The following CNTN5 variants were observed in gnomAD, a reference collection of about 807,000 sequenced individuals.
CNTN5 encodes contactin 5, also known as contactin-5.
Under a neutral mutation model 129.1 loss-of-function variants are expected in CNTN5, and 77 were observed. That is an observed-to-expected ratio of 0.60 (90% CI 0.50 to 0.72). The LOEUF (loss-of-function observed/expected upper bound fraction) is 0.72. CNTN5 is among the 30% of genes least tolerant of loss of function. CNTN5 has a pLI of 0.00. For synonymous variants in CNTN5, 509 were observed against 465.6 expected, an observed-to-expected ratio of 1.09 and a Z score of -1.20; for missense variants, 1,478 against 1,328.8, an observed-to-expected ratio of 1.11 and a Z score of -1.75.
chr11:99,397,949 C>T (rs970543423), intron 2 of CNTN5, among the ~76,000 whole-genome samples: 4 of 151,896 alleles, frequency 2.6e-5, no homozygotes, highest in South Asian at 2.1e-4. Context: ...TGTATATACA[C>T]GCCTACAAAT....
chr11:99,028,370 G>A (rs1252507697), intron 1 of CNTN5, among the ~76,000 whole-genome samples: 1 of 151,864 alleles, frequency 6.6e-6, no homozygotes, highest in African/African-American at 2.4e-5. Flanking sequence ...GTTCAAACCT[G>A]GTGGAGGAAA....
At chr11:99,566,150 T>A (rs1007593284) in intron 3 of CNTN5, among the ~76,000 whole-genome samples, 3 of 152,128 alleles carry the variant, frequency 2.0e-5, no homozygotes, top group Non-Finnish European at 4.4e-5. Flanking sequence ...CTGAATAGCT[T>A]GGTGCCCTCC....
intron 1 of CNTN5, among the ~76,000 whole-genome samples, chr11:99,055,384 G>C (rs368468242): frequency 6.6e-6 from 1 of 152,030 alleles, no homozygotes. Context: ...AAACAAGAAA[G>C]AGATTTCTCT....
chr11:99,414,420 C>A (rs1175497580), intron 2 of CNTN5, among the ~76,000 whole-genome samples: 1 of 151,734 alleles, frequency 6.6e-6, no homozygotes. Flanking sequence ...GCACTATGAC[C>A]TGGAGATACA....
At chr11:99,677,817 A>G (rs796806222) in intron 3 of CNTN5, among the ~76,000 whole-genome samples, 1 of 152,028 alleles carries the variant, frequency 6.6e-6, no homozygotes, top group Non-Finnish European at 1.5e-5. Flanking sequence ...GTGTCTGTTG[A>G]CTTTTTTCAA....
chr11:100,318,617 ATT>A (rs201798289), intron 21 of CNTN5, among the ~76,000 whole-genome samples: 1,624 of 152,228 alleles, frequency 0.011, 21 homozygotes, highest in African/African-American at 0.037. Context: ...TTTTGGTGAA[ATT>A]TTCTGAGAAC....
rs568039570 is a variant in CNTN5 at position 99,044,881 on chromosome 11, A to G, written c.-210+23611A>G. Among the ~76,000 whole-genome samples the G allele has an allele frequency of 2.6e-5, 4 of 152,320 alleles. No individual in the cohort carries two copies. In the East Asian group the frequency reaches 7.7e-4, roughly 29 times the overall value. ...GTTATTAGGAGAGACAGCACAACAT[A>G]GTGAACAAACAAGTTGCCTGAGTAC... is the stretch of plus-strand genomic sequence containing the variant. On this transcript the variant is annotated intron_variant, in intron 1 of 24. Transcript: ENST00000524871.
chr11:99,167,924 AT>A (rs1280180185), intron 1 of CNTN5, among the ~76,000 whole-genome samples: 3 of 151,420 alleles, frequency 2.0e-5, no homozygotes, highest in Admixed American at 2.0e-4. Context: ...ATTTTTAAAA[AT>A]TTATTCTTAT....
At chr11:99,326,778 G>C (rs933857085) in intron 2 of CNTN5, among the ~76,000 whole-genome samples, 1 of 152,072 alleles carries the variant, frequency 6.6e-6, no homozygotes, top group African/African-American at 2.4e-5. Context: ...GGAAGGGGAA[G>C]TATCTAACAG....
intron 1 of CNTN5, among the ~76,000 whole-genome samples, chr11:99,176,655 TTA>T (rs1255590267): frequency 6.6e-6 from 1 of 152,200 alleles, no homozygotes; most frequent in African/African-American, 2.4e-5. Flanking sequence ...CAGCAAATTG[TTA>T]TGATTCTACA....
intron 13 of CNTN5, among the ~76,000 whole-genome samples, chr11:100,122,741 A>G (rs1210799165): frequency 4.6e-5 from 7 of 152,196 alleles, no homozygotes; most frequent in East Asian, 3.9e-4. Context: ...GTCAGAGCCA[A>G]GAGGTAGTGG....
intron 2 of CNTN5, among the ~76,000 whole-genome samples, chr11:99,436,258 A>G (rs1413244876): frequency 6.6e-6 from 1 of 152,130 alleles, no homozygotes; most frequent in Non-Finnish European, 1.5e-5. Context: ...AATTACTCCT[A>G]TGGAGAATCC....
chr11:100,008,023 A>G (rs1591044599), intron 9 of CNTN5, among the ~76,000 whole-genome samples: 1 of 152,040 alleles, frequency 6.6e-6, no homozygotes, highest in Non-Finnish European at 1.5e-5. Context: ...AGGGAGAGAG[A>G]TGAGGGAGTG....
rs1007817725 is a variant in CNTN5, at chr11:99,661,321, A to C, written c.55+105052A>C. Among the ~76,000 whole-genome samples the C allele has an allele frequency of 1.3e-4, 20 of 152,188 alleles. 1 individual carries two copies. Among genetic ancestry groups the C allele is most frequent in the Admixed American group, 1.3e-3 (20 of 15,276 alleles). On this transcript the variant is annotated intron_variant, in intron 3 of 24. Transcript: ENST00000524871. ...ATACATATCTTTGCTGCAAAGCAGT[A>C]ATGAAATTAAAATAAGAACTTAGCG...
intron 1 of CNTN5, among the ~76,000 whole-genome samples, chr11:99,239,690 C>A (rs531260302): frequency 6.6e-6 from 1 of 152,188 alleles, no homozygotes; most frequent in Admixed American, 6.5e-5. Context: ...AATCCCAGCA[C>A]TTTGGGAGGC....
intron 23 of CNTN5, among the ~76,000 whole-genome samples, chr11:100,344,550 T>G (rs975481656): frequency 6.6e-6 from 1 of 152,076 alleles, no homozygotes; most frequent in Non-Finnish European, 1.5e-5. Flanking sequence ...TACTATAAGA[T>G]AGAAGAAATA....
chr11:99,916,178 G>C, intron 7 of CNTN5, 29 bp downstream of exon 7: 8 of 1,546,564 alleles, frequency 5.2e-6, no homozygotes, highest in Non-Finnish European at 6.2e-6. Context: ...CTTTGCTGCT[G>C]CTGCTGCTCT....
intron 9 of CNTN5, among the ~76,000 whole-genome samples, chr11:100,014,565 G>C (rs1226041822): frequency 1.3e-5 from 2 of 152,088 alleles, no homozygotes; most frequent in East Asian, 3.9e-4. Flanking sequence ...TGTCTAAAGA[G>C]TGAGACTCCG....
At chr11:99,361,390 C>T (rs896198944) in intron 2 of CNTN5, among the ~76,000 whole-genome samples, 9 of 152,132 alleles carry the variant, frequency 5.9e-5, no homozygotes, top group African/African-American at 2.2e-4. Context: ...AGACACCTAA[C>T]ATAGTATCTG....
Sources: allele counts gnomAD v4.1 joint callset (sites outside exome capture counted in the v4.1 genomes callset), GRCh38; gene constraint gnomAD v4.1.1; transcripts MANE v1.5; gene names NCBI Gene and HGNC (gene_info 2026-07-23, HGNC 2026-07-21).